The following SMG6 variants were observed in gnomAD, a reference collection of about 807,000 sequenced individuals.
SMG6 encodes SMG6 nonsense mediated mRNA decay factor, also known as telomerase-binding protein EST1A.
In SMG6, 66 loss-of-function variants were observed where a neutral mutation model predicts 142.2. The observed-to-expected ratio is 0.46, with a 90% CI of 0.38 to 0.57. The LOEUF is 0.57. Among genes scored for constraint, SMG6 ranks in the 20% least tolerant of loss-of-function variants. SMG6 has a pLI of 0.00. For missense variants in SMG6, 1,793 were observed against 1,832.0 expected, an observed-to-expected ratio of 0.98 and a Z score of 0.39; for synonymous variants, 779 against 702.4, an observed-to-expected ratio of 1.11 and a Z score of -1.72.
At chr17:2,234,024 G>T (rs913537977) in intron 10 of SMG6, among the ~76,000 whole-genome samples, 2 of 152,112 alleles carry the variant, frequency 1.3e-5, no homozygotes, top group South Asian at 4.1e-4. Flanking sequence ...TGACCTCATC[G>T]AGGTGACAAT....
chr17:2,240,949 G>T (rs2073786553), intron 9 of SMG6, among the ~76,000 whole-genome samples: 1 of 152,104 alleles, frequency 6.6e-6, no homozygotes, highest in African/African-American at 2.4e-5. Flanking sequence ...GTGTGGCTTG[G>T]GCTCATTGCT....
chr17:2,150,125 G>A (rs766408776), intron 13 of SMG6, among the ~76,000 whole-genome samples: 3 of 152,222 alleles, frequency 2.0e-5, no homozygotes, highest in African/African-American at 7.2e-5. Context: ...AAGCAAGACC[G>A]CCTGAGCTCC....
intron 10 of SMG6, among the ~76,000 whole-genome samples, chr17:2,226,363 G>A (rs928226179): frequency 4.0e-5 from 6 of 151,288 alleles, no homozygotes; most frequent in African/African-American, 7.3e-5. Context: ...GGTGGATCAC[G>A]AGGTCAGAAG....
chr17:2,121,564 T>C (rs1275494219), intron 13 of SMG6, among the ~76,000 whole-genome samples: 1 of 151,160 alleles, frequency 6.6e-6, no homozygotes, highest in Non-Finnish European at 1.5e-5. Context: ...CACACACATA[T>C]ATGTATATAT....
intron 8 of SMG6, among the ~76,000 whole-genome samples, chr17:2,272,663 G>A (rs917654202): frequency 6.6e-6 from 1 of 152,184 alleles, no homozygotes; most frequent in South Asian, 2.1e-4. Flanking sequence ...CCTTGGCCGG[G>A]CACGGTGGCT....
chr17:2,072,515 T>A (rs755464623), intron 15 of SMG6, among the ~76,000 whole-genome samples: 11 of 152,166 alleles, frequency 7.2e-5, no homozygotes, highest in Non-Finnish European at 1.5e-4. Flanking sequence ...TATACAATAA[T>A]ACCTAAGGAG....
At chr17:2,081,398 C>A (rs1458696463) in intron 15 of SMG6, among the ~76,000 whole-genome samples, 2 of 152,078 alleles carry the variant, frequency 1.3e-5, no homozygotes, top group African/African-American at 2.4e-5. Flanking sequence ...TCCAGGCAAG[C>A]AGACTGTGGC....
At chr17:2,267,808 C>T (rs974812487) in intron 8 of SMG6, among the ~76,000 whole-genome samples, 6 of 150,116 alleles carry the variant, frequency 4.0e-5, no homozygotes, top group Non-Finnish European at 5.9e-5. Flanking sequence ...AGTGCCGTGG[C>T]GCGATCTCGG....
intron 8 of SMG6, among the ~76,000 whole-genome samples, chr17:2,250,232 C>A (rs1327468501): frequency 6.6e-6 from 1 of 152,114 alleles, no homozygotes; most frequent in Non-Finnish European, 1.5e-5. Context: ...CCTGCTTCTA[C>A]AGAGTCGTGT....
intron 6 of SMG6, among the ~76,000 whole-genome samples, chr17:2,286,923 AT>A (rs59503723): frequency 0.017 from 1,849 of 111,416 alleles, 10 homozygotes; most frequent in East Asian, 0.043. Context: ...ACATAAAATA[AT>A]TTTTTTTTTT....
At chr17:2,150,877 G>A (rs1408369388) in intron 13 of SMG6, among the ~76,000 whole-genome samples, 4 of 151,766 alleles carry the variant, frequency 2.6e-5, no homozygotes, top group Admixed American at 2.0e-4. Context: ...TCACTTGAGT[G>A]TGAAGGATTA....
rs75045635 is a variant in SMG6, at chr17:2,275,996, C to T, written c.2661+6651G>A. Among the ~76,000 whole-genome samples the T allele has an allele frequency of 9.5e-4, 144 of 152,310 alleles. 1 individual carries two copies. In the East Asian group the frequency reaches 0.026, roughly 27 times the overall value. On this transcript the variant is annotated intron_variant, in intron 8 of 18. Coordinates refer to ENST00000263073, the MANE Select transcript of SMG6 (RefSeq NM_017575.5). ...GGATGTTACCACTGTTACTAACAAC[C>T]ACCTGAAGCCAAACTTTCTGTTTAC... is the stretch of plus-strand genomic sequence containing the variant.
chr17:2,160,014 A>G (rs760944448), intron 13 of SMG6, among the ~76,000 whole-genome samples: 30 of 152,188 alleles, frequency 2.0e-4, no homozygotes, highest in Non-Finnish European at 3.5e-4. Flanking sequence ...AGGGAGTAGG[A>G]TGGGGGATAG....
intron 1 of SMG6, chr17:2,302,998 T>A: frequency 1.0e-6 from 1 of 985,468 alleles, no homozygotes. Context: ...GGTGAGACAC[T>A]TAGAATCTTT....
intron 8 of SMG6, among the ~76,000 whole-genome samples, chr17:2,252,493 A>C (rs2074070363): frequency 6.6e-6 from 1 of 152,220 alleles, no homozygotes; most frequent in Non-Finnish European, 1.5e-5. Context: ...AATATGACAG[A>C]ATGGTATGAA....
chr17:2,292,920 T>G lies in SMG6; in HGVS notation c.2209A>C (p.Arg737=). ...RCMICQGDIA[R]YREQASDTAN... ...GTATCACTGGCTTGCTCCCGGTACCTAGCAATATCTCCTTGGCATATCATG... is the reference window on the plus strand; with the variant it reads ...GTATCACTGGCTTGCTCCCGGTACCGAGCAATATCTCCTTGGCATATCATG... The change falls in exon 5 of 19, where the codon AGG becomes CGG. Residue 737 remains arginine (R), a synonymous_variant. Transcript: ENST00000263073. 1 of 1,614,066 alleles carries G rather than the reference T, an allele frequency of 6.2e-7. No homozygotes were observed. The highest frequency in any genetic ancestry group is 8.5e-7 in the Non-Finnish European group (1 of 1,179,922).
At chr17:2,213,373 G>A (rs1597615096) in intron 10 of SMG6, among the ~76,000 whole-genome samples, 2 of 152,326 alleles carry the variant, frequency 1.3e-5, no homozygotes, top group South Asian at 4.1e-4. Context: ...AGGGAAATGT[G>A]CCACAGATGG....
rs2069328090 is a variant in SMG6, at chr17:2,111,770, A to T, written c.3358-25869T>A. Among the ~76,000 whole-genome samples the T allele has an allele frequency of 2.0e-5, 3 of 152,144 alleles. No individual in the cohort carries two copies. The South Asian group carries it at 6.2e-4, about 32-fold the overall frequency. ...CATCAAGGAGTTCCTTCTCTGATCG[A>T]AGGGCTTGTTAGCTACACAGTTTGA... On this transcript the variant is annotated intron_variant, in intron 13 of 18. Coordinates refer to ENST00000263073, the MANE Select transcript of SMG6 (RefSeq NM_017575.5).
intron 10 of SMG6, among the ~76,000 whole-genome samples, chr17:2,197,398 T>TA (rs1299602403): frequency 0.021 from 3,077 of 144,928 alleles, 110 homozygotes; most frequent in African/African-American, 0.07. Flanking sequence ...ACTGTGTCTC[T>TA]AAAAAAAAAA....
Sources: allele counts gnomAD v4.1 joint callset (sites outside exome capture counted in the v4.1 genomes callset), GRCh38; gene constraint gnomAD v4.1.1; transcripts MANE v1.5; gene names NCBI Gene and HGNC (gene_info 2026-07-23, HGNC 2026-07-21).